Variants in FHIT observed in about 807,000 individuals in gnomAD.
FHIT encodes the protein bis(5'-adenosyl)-triphosphatase.
Under a neutral mutation model 17.9 loss-of-function variants are expected in FHIT, and 19 were observed. That is an observed-to-expected ratio of 1.06 (90% CI 0.74 to 1.56). The LOEUF is 1.56. FHIT is among the 40% of genes most tolerant of loss of function. The probability of loss-of-function intolerance (pLI) is 0.00; values close to 1 mark genes in which losing one functional copy is unlikely to be tolerated. For synonymous variants in FHIT, 81 were observed against 69.7 expected, an observed-to-expected ratio of 1.16 and a Z score of -0.81; for missense variants, 248 against 189.2, an observed-to-expected ratio of 1.31 and a Z score of -1.82.
chr3:60,461,050 A>T (rs901974122), intron 5 of FHIT, among the ~76,000 whole-genome samples: 2 of 151,516 alleles, frequency 1.3e-5, no homozygotes, highest in Non-Finnish European at 2.9e-5. Flanking sequence ...TTCTTTAAGA[A>T]AACTCCCTTA....
intron 5 of FHIT, among the ~76,000 whole-genome samples, chr3:60,493,512 T>C (rs1300022621): frequency 6.6e-6 from 1 of 152,200 alleles, no homozygotes; most frequent in Non-Finnish European, 1.5e-5. Flanking sequence ...TTGGGGAATA[T>C]ATAAGCTGCA....
intron 5 of FHIT, among the ~76,000 whole-genome samples, chr3:60,507,332 G>A (rs79644493): frequency 6.6e-6 from 1 of 152,148 alleles, no homozygotes; most frequent in Non-Finnish European, 1.5e-5. Context: ...GTATGGCTGG[G>A]CATGAAAGAA....
chr3:59,769,443 T>C (rs908135857), intron 8 of FHIT, among the ~76,000 whole-genome samples: 5 of 152,218 alleles, frequency 3.3e-5, no homozygotes, highest in Non-Finnish European at 7.3e-5. Flanking sequence ...CTCTACAAAG[T>C]TCCTTCTCAT....
intron 5 of FHIT, among the ~76,000 whole-genome samples, chr3:60,243,173 G>T (rs934106137): frequency 6.6e-6 from 1 of 151,950 alleles, no homozygotes; most frequent in South Asian, 2.1e-4. Flanking sequence ...GAAATACAGG[G>T]TTACCTCTAA....
At chr3:60,846,719 C>T (rs1180038884) in intron 3 of FHIT, among the ~76,000 whole-genome samples, 1 of 152,196 alleles carries the variant, frequency 6.6e-6, no homozygotes, top group Non-Finnish European at 1.5e-5. Context: ...AAGCTGTAAA[C>T]CCTCCAACAG....
At chr3:60,073,375 A>G (rs550774729) in intron 5 of FHIT, among the ~76,000 whole-genome samples, 2 of 152,230 alleles carry the variant, frequency 1.3e-5, no homozygotes, top group East Asian at 1.9e-4. Flanking sequence ...TCTTATATTA[A>G]AAGAGAGAAA....
In FHIT at chr3:60,149,650, C is replaced by A. The variant is rs568136651; in HGVS notation, c.104-135498G>T. On this transcript the variant is annotated intron_variant, in intron 5 of 9. Coordinates refer to ENST00000492590, the MANE Select transcript of FHIT (RefSeq NM_002012.4). ...CCCTTTCCTCCTCCTCCAGCAACAA[C>A]CCTGACATCATTTGGGAATTCAATC... Among the ~76,000 whole-genome samples, 5 of 152,192 alleles carry A rather than the reference C, an allele frequency of 3.3e-5. No homozygotes were observed. In the South Asian group the frequency reaches 8.3e-4, roughly 25 times the overall value.
In FHIT at chr3:60,331,281, T is replaced by A. The variant is rs145829788; in HGVS notation, c.103+205579A>T. 6.3e-3 allele frequency among the ~76,000 whole-genome samples: 953 copies of A among 152,150 alleles called. 6 individuals are homozygous for A. The highest frequency in any genetic ancestry group is 0.022 in the South Asian group (106 of 4,818). ...GCACCTCTCAGTGCCCTTTCCTGATTTTTTTTTCCATTCTTTCCATGGGTG... is the reference window on the plus strand; with the variant it reads ...GCACCTCTCAGTGCCCTTTCCTGATATTTTTTTCCATTCTTTCCATGGGTG... On this transcript the variant is annotated intron_variant, in intron 5 of 9. Coordinates refer to ENST00000492590, the MANE Select transcript of FHIT (RefSeq NM_002012.4).
chr3:60,884,703 G>A (rs2107143012), intron 3 of FHIT, among the ~76,000 whole-genome samples: 1 of 152,076 alleles, frequency 6.6e-6, no homozygotes, highest in Non-Finnish European at 1.5e-5. Flanking sequence ...GGAGGCTGAG[G>A]GAGGATTATT....
At chr3:60,283,588 G>A (rs528539971) in intron 5 of FHIT, among the ~76,000 whole-genome samples, 6 of 152,192 alleles carry the variant, frequency 3.9e-5, no homozygotes, top group African/African-American at 1.2e-4. Flanking sequence ...CGGTCTGTAA[G>A]AAGCAGCCTA....
chr3:60,980,445 G>A (rs1483394563), intron 3 of FHIT, among the ~76,000 whole-genome samples: 1 of 152,170 alleles, frequency 6.6e-6, no homozygotes, highest in Non-Finnish European at 1.5e-5. Context: ...CAATCACCTA[G>A]AATCTGATGT....
At chr3:60,951,952 G>C (rs1708903355) in intron 3 of FHIT, among the ~76,000 whole-genome samples, 2 of 152,128 alleles carry the variant, frequency 1.3e-5, no homozygotes, top group Admixed American at 1.3e-4. Context: ...GATCACCTGA[G>C]GTCAGGAGTT....
At chr3:60,199,971 G>C (rs1702823437) in intron 5 of FHIT, among the ~76,000 whole-genome samples, 1 of 152,082 alleles carries the variant, frequency 6.6e-6, no homozygotes, top group Admixed American at 6.6e-5. Context: ...TGTTGTACTA[G>C]GGTTTTTATT....
intron 2 of FHIT, among the ~76,000 whole-genome samples, chr3:61,061,007 C>A (rs769143513): frequency 6.0e-4 from 92 of 152,202 alleles, no homozygotes; most frequent in Non-Finnish European, 1.2e-3. Flanking sequence ...CATCCTTGAG[C>A]ATGTCTTCCC....
intron 8 of FHIT, among the ~76,000 whole-genome samples, chr3:59,800,523 G>T (rs1699950869): frequency 2.0e-5 from 3 of 152,308 alleles, no homozygotes; most frequent in Middle Eastern, 6.8e-3. Flanking sequence ...GGTTCAGAGA[G>T]TTACAAGACA....
intron 5 of FHIT, among the ~76,000 whole-genome samples, chr3:60,479,882 C>A (rs1379309088): frequency 6.6e-6 from 1 of 152,170 alleles, no homozygotes; most frequent in Non-Finnish European, 1.5e-5. Flanking sequence ...GAATAATTGT[C>A]TTCCATGAAA....
chr3:59,944,459 G>A (rs993038876), intron 7 of FHIT, among the ~76,000 whole-genome samples: 5 of 151,460 alleles, frequency 3.3e-5, no homozygotes, highest in East Asian at 1.9e-4. Flanking sequence ...CCACACTTTC[G>A]TTTATTTTTC....
chr3:60,465,740 T>C (rs1418447426), intron 5 of FHIT, among the ~76,000 whole-genome samples: 1 of 152,118 alleles, frequency 6.6e-6, no homozygotes, highest in Non-Finnish European at 1.5e-5. Flanking sequence ...TAGTGTTCCA[T>C]TGGTCTATGT....
intron 2 of FHIT, among the ~76,000 whole-genome samples, chr3:61,052,213 C>A (rs1240569833): frequency 1.2e-4 from 19 of 152,226 alleles, no homozygotes; most frequent in Admixed American, 1.2e-3. Context: ...CTTCCCAGGA[C>A]TGCCAAAGTT....
Sources: gnomAD v4.1 joint callset for allele counts (sites outside exome capture counted in the v4.1 genomes callset) on GRCh38, gnomAD v4.1.1 for gene constraint, MANE v1.5 for transcripts, NCBI Gene and HGNC (gene_info 2026-07-23, HGNC 2026-07-21) for gene names.